Variants in DMRT1 observed in about 807,000 individuals in gnomAD.
DMRT1 encodes doublesex- and mab-3-related transcription factor 1.
Under a neutral mutation model 32.3 loss-of-function variants are expected in DMRT1, and 7 were observed. The observed-to-expected ratio is 0.22, with a 90% CI of 0.12 to 0.41. DMRT1 has a LOEUF of 0.41. Among genes scored for constraint, DMRT1 ranks in the 10% least tolerant of loss-of-function variants. The pLI is 1.00. For synonymous variants in DMRT1, 278 were observed against 206.1 expected, an observed-to-expected ratio of 1.35 and a Z score of -2.99; for missense variants, 625 against 500.5, an observed-to-expected ratio of 1.25 and a Z score of -2.37.
At chr9:913,797 G>A (rs1297558895) in intron 3 of DMRT1, among the ~76,000 whole-genome samples, 4 of 152,306 alleles carry the variant, frequency 2.6e-5, no homozygotes, top group Non-Finnish European at 4.4e-5. Flanking sequence ...GGAGGCTGAC[G>A]CAGGAGAATC....
At chr9:916,039 C>T (rs564018596) in intron 3 of DMRT1, among the ~76,000 whole-genome samples, 2 of 152,126 alleles carry the variant, frequency 1.3e-5, no homozygotes, top group Non-Finnish European at 2.9e-5. Flanking sequence ...AGCCTATAGT[C>T]ATTTTAAATA....
intron 1 of DMRT1, among the ~76,000 whole-genome samples, chr9:844,715 CTTTCTTTTTTTT>C (rs1838828151): frequency 1.5e-5 from 2 of 135,698 alleles, no homozygotes; most frequent in South Asian, 2.3e-4. Context: ...TTCTTTCTTT[CTTTCTTTTTTTT>C]TTTTTTTTTT....
chr9:896,039 G>C (rs1314899377), intron 3 of DMRT1, among the ~76,000 whole-genome samples: 1 of 151,806 alleles, frequency 6.6e-6, no homozygotes, highest in South Asian at 2.1e-4. Context: ...TCTTGCCCTT[G>C]TGATTGGCCC....
chr9:906,771 G>A (rs1324240521), intron 3 of DMRT1, among the ~76,000 whole-genome samples: 1 of 152,216 alleles, frequency 6.6e-6, no homozygotes, highest in Non-Finnish European at 1.5e-5. Context: ...AGGCAGCAAA[G>A]TAGGTCTTTA....
intron 2 of DMRT1, among the ~76,000 whole-genome samples, chr9:877,787 G>C (rs533747350): frequency 6.6e-6 from 1 of 152,326 alleles, no homozygotes; most frequent in South Asian, 2.1e-4. Flanking sequence ...TGGGTTATCA[G>C]CTCCCACACA....
intron 3 of DMRT1, among the ~76,000 whole-genome samples, chr9:904,222 G>A (rs1817688301): frequency 6.6e-6 from 1 of 152,158 alleles, no homozygotes; most frequent in Non-Finnish European, 1.5e-5. Flanking sequence ...GATTTGGTTT[G>A]GCTGGTGGCC....
In DMRT1 at chr9:916,923, C is replaced by G. The variant is rs374190271; in HGVS notation, c.967+16C>G. ...AGGGCGAGCGGTAGGTGTCTGGTCA[C>G]ACAGACTGGATTTGGGGTTGAGAGA... On this transcript the variant is annotated intron_variant, in intron 4 of 4. Transcript: ENST00000382276. 6.2e-7 allele frequency: 1 copy of G among 1,613,978 alleles called. No individual in the cohort carries two copies. Among genetic ancestry groups the G allele is most frequent in the Non-Finnish European group, 8.5e-7 (1 of 1,179,966 alleles).
chr9:842,990 T>C (rs1326965584), intron 1 of DMRT1: 1 of 152,116 alleles, frequency 6.6e-6, no homozygotes, highest in Non-Finnish European at 1.5e-5. Flanking sequence ...TCCAAGGGAA[T>C]CCCAGGGATC....
rs114509382 is a variant in DMRT1 at position 860,944 on chromosome 9, C to T, written c.538+13801C>T. Among the ~76,000 whole-genome samples, 1,144 of 151,768 alleles carry T rather than the reference C, an allele frequency of 7.5e-3. 17 individuals are homozygous for T. The highest frequency in any genetic ancestry group is 0.027 in the African/African-American group (1,100 of 41,410). ...GTGTCATGGGCTCATAGCAGAAGGG[C>T]GCACAGCTGCCTGTGTATACCACGG... On this transcript the variant is annotated intron_variant, in intron 2 of 4. Coordinates refer to ENST00000382276, the MANE Select transcript of DMRT1 (RefSeq NM_021951.3).
intron 2 of DMRT1, among the ~76,000 whole-genome samples, chr9:856,953 G>A (rs1589454269): frequency 6.6e-6 from 1 of 152,164 alleles, no homozygotes; most frequent in South Asian, 2.1e-4. Context: ...AACCCTGCGA[G>A]AGTCTCTCAT....
intron 2 of DMRT1, among the ~76,000 whole-genome samples, chr9:876,051 A>G (rs12003840): frequency 0.02 from 3,059 of 152,240 alleles, 72 homozygotes; most frequent in Middle Eastern, 0.065. Context: ...GCTTTGCTGC[A>G]CCCTTTTATC....
chr9:876,524 T>C (rs1412088555), intron 2 of DMRT1, among the ~76,000 whole-genome samples: 2 of 129,850 alleles, frequency 1.5e-5, no homozygotes, highest in Admixed American at 8.2e-5. Context: ...TCCTCGTCAA[T>C]AGGCTTTTTT....
At chr9:843,838 A>C (rs748493314) in intron 1 of DMRT1, among the ~76,000 whole-genome samples, 1 of 152,208 alleles carries the variant, frequency 6.6e-6, no homozygotes, top group Non-Finnish European at 1.5e-5. Context: ...TTTATACTAA[A>C]CGTATTTTGG....
intron 2 of DMRT1, among the ~76,000 whole-genome samples, chr9:878,206 C>CA (rs962869872): frequency 1.0e-4 from 12 of 117,990 alleles, no homozygotes; most frequent in East Asian, 6.4e-4. Context: ...TGCTGCCCCC[C>CA]CCCCACCCAA....
At chr9:886,470 G>C (rs1157678669) in intron 2 of DMRT1, among the ~76,000 whole-genome samples, 1 of 151,990 alleles carries the variant, frequency 6.6e-6, no homozygotes. Context: ...TGGCCAGGTT[G>C]GTCCCAAACT....
chr9:870,012 G>T (rs953128517), intron 2 of DMRT1, among the ~76,000 whole-genome samples: 1 of 152,156 alleles, frequency 6.6e-6, no homozygotes, highest in Non-Finnish European at 1.5e-5. Flanking sequence ...CACCCAGTTT[G>T]TATTGAACGA....
intron 2 of DMRT1, among the ~76,000 whole-genome samples, chr9:872,993 A>T (rs1816339018): frequency 6.6e-6 from 1 of 152,214 alleles, no homozygotes; most frequent in Non-Finnish European, 1.5e-5. Context: ...ATGGATTCAC[A>T]TGCCAGTGTC....
intron 4 of DMRT1, among the ~76,000 whole-genome samples, chr9:928,927 T>G (rs1187029416): frequency 6.6e-6 from 1 of 151,860 alleles, no homozygotes; most frequent in Non-Finnish European, 1.5e-5. Flanking sequence ...AACCTCCGCC[T>G]CCCAGATTCA....
intron 3 of DMRT1, among the ~76,000 whole-genome samples, chr9:909,090 A>G (rs937982892): frequency 8.6e-5 from 13 of 152,038 alleles, no homozygotes; most frequent in African/African-American, 3.1e-4. Context: ...AGGGAAGTGG[A>G]GGGCATTCCA....
Sources: gnomAD v4.1 joint callset for allele counts (sites outside exome capture counted in the v4.1 genomes callset) on GRCh38, gnomAD v4.1.1 for gene constraint, MANE v1.5 for transcripts, NCBI Gene and HGNC (gene_info 2026-07-23, HGNC 2026-07-21) for gene names.